EPHA6: variants seen among roughly 807,000 people sequenced by gnomAD.
EPHA6 encodes EPH receptor A6, also known as ephrin type-A receptor 6.
In EPHA6, 50 loss-of-function variants were observed where a neutral mutation model predicts 112.0. The observed-to-expected ratio is 0.45, with a 90% CI of 0.36 to 0.56. The LOEUF is 0.56. Ranked by LOEUF, EPHA6 falls within the 20% of genes least tolerant of loss-of-function variation. The pLI is 0.00. For synonymous variants in EPHA6, 529 were observed against 490.7 expected, an observed-to-expected ratio of 1.08 and a Z score of -1.03; for missense variants, 1,280 against 1,417.4, an observed-to-expected ratio of 0.90 and a Z score of 1.56.
chr3:97,016,771 T>C (rs1226259542), intron 3 of EPHA6, among the ~76,000 whole-genome samples: 2 of 152,214 alleles, frequency 1.3e-5, no homozygotes, highest in African/African-American at 4.8e-5. Context: ...TCTCTTTATG[T>C]TGGTTAACGT....
rs573692016 is a variant in EPHA6 at position 96,968,832 on chromosome 3, T to A, written c.451-18498T>A. On this transcript the variant is annotated intron_variant, in intron 2 of 17. Transcript: ENST00000389672. ...TAGCCTCAAATATTCTTTTTCTTTCTTTTCCTTAAGAAAAGATTAATGAAA... is the reference window on the plus strand; with the variant it reads ...TAGCCTCAAATATTCTTTTTCTTTCATTTCCTTAAGAAAAGATTAATGAAA... Among the ~76,000 whole-genome samples the A allele has an allele frequency of 1.7e-3, 253 of 152,058 alleles. 1 individual carries two copies. Among genetic ancestry groups the A allele is most frequent in the Non-Finnish European group, 2.3e-3 (159 of 67,832 alleles).
intron 3 of EPHA6, among the ~76,000 whole-genome samples, chr3:97,174,398 C>A (rs1234053220): frequency 6.6e-6 from 1 of 151,796 alleles, no homozygotes; most frequent in Non-Finnish European, 1.5e-5. Context: ...GATTTCCTTT[C>A]TTTTGGGTAT....
At chr3:97,633,889 A>G (rs901533437) in intron 13 of EPHA6, among the ~76,000 whole-genome samples, 5 of 152,088 alleles carry the variant, frequency 3.3e-5, no homozygotes, top group African/African-American at 4.8e-5. Flanking sequence ...GTATGAATAA[A>G]TGGGGCTGTT....
At chr3:97,479,872 C>G (rs916919132) in intron 9 of EPHA6, among the ~76,000 whole-genome samples, 1 of 152,120 alleles carries the variant, frequency 6.6e-6, no homozygotes, top group Non-Finnish European at 1.5e-5. Context: ...GAGATCTATT[C>G]CCAAGCAACC....
intron 5 of EPHA6, among the ~76,000 whole-genome samples, chr3:97,253,334 G>A (rs2108602128): frequency 6.6e-6 from 1 of 152,202 alleles, no homozygotes; most frequent in South Asian, 2.1e-4. Flanking sequence ...TTTTAGTAAT[G>A]AAAGATTAAA....
intron 4 of EPHA6, among the ~76,000 whole-genome samples, chr3:97,240,085 C>T (rs1021657815): frequency 2.6e-5 from 4 of 151,520 alleles, no homozygotes; most frequent in African/African-American, 9.7e-5. Context: ...TTGTGATTGC[C>T]ATTCATTTCC....
At chr3:96,840,507 C>T (rs574061454) in intron 1 of EPHA6, among the ~76,000 whole-genome samples, 1 of 152,168 alleles carries the variant, frequency 6.6e-6, no homozygotes, top group East Asian at 1.9e-4. Context: ...GGACCTTGGG[C>T]CTGTAGTCGT....
At chr3:97,072,458 C>T (rs527382628) in intron 3 of EPHA6, among the ~76,000 whole-genome samples, 61 of 152,096 alleles carry the variant, frequency 4.0e-4, no homozygotes, top group South Asian at 1.2e-3. Context: ...GAGGGAGGCA[C>T]GGAACAGATT....
At chr3:97,415,973 G>A (rs1369666369) in intron 6 of EPHA6, among the ~76,000 whole-genome samples, 2 of 151,900 alleles carry the variant, frequency 1.3e-5, no homozygotes, top group Non-Finnish European at 2.9e-5. Context: ...TATATTGTTT[G>A]TTGTCAAAAT....
At chr3:96,966,480 AATTT>A (rs575605081) in intron 2 of EPHA6, among the ~76,000 whole-genome samples, 92 of 152,194 alleles carry the variant, frequency 6.0e-4, no homozygotes, top group African/African-American at 2.1e-3. Flanking sequence ...AATTTGGTTG[AATTT>A]ATTTAAATTA....
chr3:97,085,577 C>T (rs779682315), intron 3 of EPHA6, among the ~76,000 whole-genome samples: 2 of 151,916 alleles, frequency 1.3e-5, no homozygotes, highest in Non-Finnish European at 2.9e-5. Flanking sequence ...CTTAATATAT[C>T]CTAATATAGT....
chr3:96,931,284 T>G lies in EPHA6; in HGVS notation c.451-56046T>G, dbSNP rs1173742477. ...GAGGAGGAATGGATCAGGGTCCTGCTTTAAGAAGCAGCTGCCATCTGGCAA... is the reference window on the plus strand; with the variant it reads ...GAGGAGGAATGGATCAGGGTCCTGCGTTAAGAAGCAGCTGCCATCTGGCAA... On this transcript the variant is annotated intron_variant, in intron 2 of 17. Transcript: ENST00000389672. 2.6e-5 allele frequency among the ~76,000 whole-genome samples: 4 copies of G among 152,178 alleles called. No individual in the cohort carries two copies. In the South Asian group the frequency reaches 8.3e-4, roughly 31 times the overall value.
At chr3:96,841,250 C>A (rs1314261519) in intron 1 of EPHA6, among the ~76,000 whole-genome samples, 1 of 152,058 alleles carries the variant, frequency 6.6e-6, no homozygotes, top group Non-Finnish European at 1.5e-5. Context: ...TTCTGATTAA[C>A]CTTTCCAAAT....
At chr3:97,049,497 G>A (rs1156881064) in intron 3 of EPHA6, among the ~76,000 whole-genome samples, 8 of 152,160 alleles carry the variant, frequency 5.3e-5, no homozygotes, top group South Asian at 2.1e-4. Context: ...TGCAGATAGC[G>A]CAGATAGAGC....
At chr3:97,226,534 C>A (rs773060226) in intron 4 of EPHA6, 115 bp downstream of exon 4, 1 of 944,706 alleles carries the variant, frequency 1.1e-6, no homozygotes, top group Non-Finnish European at 1.6e-6. Context: ...TGCCATTTGT[C>A]TGTGATAACA....
At position 97,628,202 on chromosome 3, in the gene EPHA6, G is replaced by A. The variant is rs1037651092; in HGVS notation, c.2575-9671G>A. 2.0e-5 allele frequency among the ~76,000 whole-genome samples: 3 copies of A among 152,000 alleles called. 1 individual carries two copies. The highest frequency in any genetic ancestry group is 2.9e-5 in the Non-Finnish European group (2 of 67,946). ...GATGCTCTAAACTAGGATCGTTGCA[G>A]TAGAGTTTATGGGAAATGGTCAAAG... On this transcript the variant is annotated intron_variant, in intron 13 of 17. Transcript: ENST00000389672.
At chr3:97,076,730 T>TA (rs2046539098) in intron 3 of EPHA6, among the ~76,000 whole-genome samples, 2 of 152,174 alleles carry the variant, frequency 1.3e-5, no homozygotes, top group South Asian at 4.1e-4. Flanking sequence ...ACACTGCTGT[T>TA]ACGGGCTAAT....
At chr3:97,199,066 C>G (rs181486393) in intron 3 of EPHA6, among the ~76,000 whole-genome samples, 31 of 152,240 alleles carry the variant, frequency 2.0e-4, no homozygotes, top group Non-Finnish European at 3.8e-4. Context: ...CTTGAATGTA[C>G]TTGTGTTGGC....
At chr3:97,177,200 C>T (rs2076859891) in intron 3 of EPHA6, among the ~76,000 whole-genome samples, 1 of 151,824 alleles carries the variant, frequency 6.6e-6, no homozygotes, top group Non-Finnish European at 1.5e-5. Context: ...ATTCCTCTTG[C>T]TATTAATTTT....
Sources: allele counts gnomAD v4.1 joint callset (sites outside exome capture counted in the v4.1 genomes callset), GRCh38; gene constraint gnomAD v4.1.1; transcripts MANE v1.5; gene names NCBI Gene and HGNC (gene_info 2026-07-23, HGNC 2026-07-21).